The following MLLT10 variants were observed in gnomAD, a reference collection of about 807,000 sequenced individuals.
The protein encoded by MLLT10 is MLLT10 histone lysine methyltransferase DOT1L cofactor.
Under a neutral mutation model 129.1 loss-of-function variants are expected in MLLT10, and 30 were observed. That is an observed-to-expected ratio of 0.23 (90% CI 0.17 to 0.32). The LOEUF is 0.32. Among genes scored for constraint, MLLT10 ranks in the 10% least tolerant of loss-of-function variants. The probability of loss-of-function intolerance (pLI) is 1.00; values close to 1 mark genes in which losing one functional copy is unlikely to be tolerated. For missense variants in MLLT10, 1,119 were observed against 1,268.3 expected (o/e 0.88, Z 1.79); for synonymous variants, 490 against 446.4 (o/e 1.10, Z -1.23).
chr10:21,665,044 C>G (rs1167723458), intron 9 of MLLT10, among the ~76,000 whole-genome samples: 1 of 144,058 alleles, frequency 6.9e-6, no homozygotes, highest in African/African-American at 2.6e-5. Flanking sequence ...CTCCTGGGTT[C>G]AAGTGATTCT....
intron 8 of MLLT10, among the ~76,000 whole-genome samples, chr10:21,646,329 T>C (rs1401957679): frequency 6.6e-6 from 1 of 152,202 alleles, no homozygotes; most frequent in African/African-American, 2.4e-5. Context: ...AGAGAGCAAA[T>C]GATGCTGCAT....
chr10:21,565,087 C>A (rs1376338615), intron 3 of MLLT10, among the ~76,000 whole-genome samples: 5 of 151,876 alleles, frequency 3.3e-5, no homozygotes, highest in African/African-American at 1.2e-4. Context: ...ATGTTATGTC[C>A]TCTTGGTGGA....
At chr10:21,717,716 T>C (rs865962746) in intron 14 of MLLT10, among the ~76,000 whole-genome samples, 1,295 of 17,242 alleles carry the variant, frequency 0.075, 26 homozygotes, top group Middle Eastern at 0.1. Flanking sequence ...CCTCCTCCTC[T>C]TCCTCCTCCT....
At chr10:21,680,313 C>A (rs1291855966) in intron 11 of MLLT10, among the ~76,000 whole-genome samples, 1 of 151,908 alleles carries the variant, frequency 6.6e-6, no homozygotes, top group Non-Finnish European at 1.5e-5. Flanking sequence ...TCAAGCGATT[C>A]TTGTGCCTCA....
Position 21,740,058 on chromosome 10 carries a change from T to C in MLLT10, c.2984T>C (p.Leu995Ser), listed in dbSNP as rs1480854550. 4 of 1,612,214 alleles carry C rather than the reference T, an allele frequency of 2.5e-6. No individual in the cohort carries two copies. Among genetic ancestry groups the C allele is most frequent in the Non-Finnish European group, 2.5e-6 (3 of 1,178,996 alleles). The change falls in exon 22 of 23, where the codon TTA becomes TCA. Residue 995 changes from leucine to serine, a missense_variant. Coordinates refer to ENST00000307729, the MANE Select transcript of MLLT10 (RefSeq NM_001195626.3). ...PEQHQAFLYQ[L>S]MQHHHQQHHQ... The stretch of plus-strand genomic sequence containing the variant: ...CAACATCAAGCCTTTTTGTATCAGT[T>C]AATGCAACATCACCACCAGCAGCAC...
intron 4 of MLLT10, among the ~76,000 whole-genome samples, chr10:21,590,898 C>G (rs748703617): frequency 2.6e-5 from 4 of 152,078 alleles, no homozygotes; most frequent in Non-Finnish European, 4.4e-5. Flanking sequence ...CTAGTACTTA[C>G]TATGTGTTAC....
At chr10:21,595,540 G>A in intron 5 of MLLT10, 100 bp downstream of exon 5, 2 of 880,646 alleles carry the variant, frequency 2.3e-6, no homozygotes, top group East Asian at 5.4e-5. Flanking sequence ...TCAAATCCAG[G>A]GAGATTTGGA....
chr10:21,539,177 A>G (rs1466023593), intron 3 of MLLT10, among the ~76,000 whole-genome samples: 1 of 152,254 alleles, frequency 6.6e-6, no homozygotes, highest in African/African-American at 2.4e-5. Context: ...TACAGAATCA[A>G]GAAAGCTTGA....
intron 14 of MLLT10, among the ~76,000 whole-genome samples, chr10:21,715,055 C>G (rs1422567566): frequency 6.6e-6 from 1 of 152,076 alleles, no homozygotes; most frequent in East Asian, 1.9e-4. Flanking sequence ...AGAAAATGGT[C>G]ACAGGGACAA....
chr10:21,700,230 A>G (rs879904964), intron 13 of MLLT10, among the ~76,000 whole-genome samples: 2 of 151,886 alleles, frequency 1.3e-5, no homozygotes, highest in Non-Finnish European at 2.9e-5. Flanking sequence ...TGTATCCTCC[A>G]AATTTACTGA....
chr10:21,646,504 G>GT (rs1554830411), intron 8 of MLLT10, among the ~76,000 whole-genome samples: 2 of 148,136 alleles, frequency 1.4e-5, no homozygotes, highest in Admixed American at 6.7e-5. Context: ...TTTTGGTTAT[G>GT]TTTTTTTGGG....
At chr10:21,610,895 G>A (rs1406577759) in intron 5 of MLLT10, among the ~76,000 whole-genome samples, 4 of 145,620 alleles carry the variant, frequency 2.7e-5, no homozygotes, top group African/African-American at 1.0e-4. Context: ...GATAGGTTTT[G>A]TTGTTATTTG....
intron 5 of MLLT10, among the ~76,000 whole-genome samples, chr10:21,606,808 G>C (rs1350584650): frequency 6.6e-6 from 1 of 152,214 alleles, no homozygotes; most frequent in African/African-American, 2.4e-5. Context: ...AAAGGATGTA[G>C]AATATGCCCT....
chr10:21,696,628 T>G (rs908805726), intron 13 of MLLT10, among the ~76,000 whole-genome samples: 1 of 152,224 alleles, frequency 6.6e-6, no homozygotes. Context: ...TAAATTTTTT[T>G]GCTTTTGTAA....
chr10:21,672,304 C>T (rs2051520086), intron 10 of MLLT10, among the ~76,000 whole-genome samples: 1 of 151,734 alleles, frequency 6.6e-6, no homozygotes, highest in African/African-American at 2.4e-5. Context: ...CTCAAGCATT[C>T]TTCCTGCTTC....
At chr10:21,625,739 G>T (rs2046366685) in intron 8 of MLLT10, 6 of 768,680 alleles carry the variant, frequency 7.8e-6, no homozygotes, top group Non-Finnish European at 1.5e-5. Context: ...ACTCCATGTT[G>T]TTTACCAGGG....
chr10:21,687,257 TA>T (rs1418154217), intron 13 of MLLT10, among the ~76,000 whole-genome samples: 4 of 152,220 alleles, frequency 2.6e-5, no homozygotes, highest in Non-Finnish European at 5.9e-5. Flanking sequence ...AACAGGGTTC[TA>T]CTTAGGCTTG....
At chr10:21,683,927 G>A (rs1447482334) in intron 13 of MLLT10, among the ~76,000 whole-genome samples, 1 of 151,966 alleles carries the variant, frequency 6.6e-6, no homozygotes, top group African/African-American at 2.4e-5. Context: ...ACCTAAGATG[G>A]ATGGTTGGAT....
At chr10:21,738,368 T>A in intron 21 of MLLT10, 1 of 1,273,818 alleles carries the variant, frequency 7.9e-7, no homozygotes, top group Non-Finnish European at 1.0e-6. Flanking sequence ...TTTATTTGGG[T>A]GTCTTCCTAT....
Sources: gnomAD v4.1 joint callset for allele counts (sites outside exome capture counted in the v4.1 genomes callset) on GRCh38, gnomAD v4.1.1 for gene constraint, MANE v1.5 for transcripts, NCBI Gene and HGNC (gene_info 2026-07-23, HGNC 2026-07-21) for gene names.